The following HSPA12A variants were observed in gnomAD, a reference collection of about 807,000 sequenced individuals.
HSPA12A encodes the protein heat shock 70 kDa protein 12A.
HSPA12A carries 28 observed loss-of-function variants against 69.2 expected under a neutral mutation model. That is an observed-to-expected ratio of 0.40 (90% confidence interval 0.30 to 0.55). The LOEUF is 0.55. HSPA12A is among the 20% of genes least tolerant of loss of function. The pLI, the probability that HSPA12A is intolerant of heterozygous loss-of-function variation, is 0.38. For missense variants in HSPA12A, 686 were observed against 900.7 expected (o/e 0.76, Z 3.05); for synonymous variants, 345 against 370.5 (o/e 0.93, Z 0.79).
intron 2 of HSPA12A, among the ~76,000 whole-genome samples, chr10:116,773,874 CT>C (rs1844270274): frequency 6.6e-6 from 1 of 152,178 alleles, no homozygotes; most frequent in South Asian, 2.1e-4. Context: ...GGGTGGAGGA[CT>C]TGGAGCCAGG....
intron 2 of HSPA12A, chr10:116,829,040 G>A (rs1009962672): frequency 1.3e-5 from 2 of 152,120 alleles, no homozygotes; most frequent in Non-Finnish European, 2.9e-5. Flanking sequence ...TGATCAGATT[G>A]CATATGCCAG....
chr10:116,774,936 C>T (rs975084171), intron 2 of HSPA12A, among the ~76,000 whole-genome samples: 23 of 152,306 alleles, frequency 1.5e-4, no homozygotes, highest in African/African-American at 5.5e-4. Flanking sequence ...TCACTCCACT[C>T]CCTCCCCAAG....
rs537420703 is a variant in HSPA12A, at chr10:116,682,467, C to G, written c.836-590G>C. Reference sequence around the variant, plus strand: ...TGGGTAAATAGACTGGGGGGGGGGGCCATTTCCTGACCCAGCTGAAGCCAA... The same window carrying G: ...TGGGTAAATAGACTGGGGGGGGGGGGCATTTCCTGACCCAGCTGAAGCCAA... On this transcript the variant is annotated intron_variant, in intron 7 of 11. Transcript: ENST00000369209. Among the ~76,000 whole-genome samples, 151 of 147,302 alleles carry G rather than the reference C, an allele frequency of 1.0e-3. 2 individuals are homozygous for G. The South Asian group carries it at 0.021, about 20-fold the overall frequency.
rs1849091415 is a variant in HSPA12A at position 116,671,888 on chromosome 10, A to T, written c.*2893T>A. ...TCAAGTGTACTTATCCAGTGCTCTT[A>T]TTCTAGAATATTCCAGTGGGGGTAG... On this transcript the variant is annotated 3_prime_UTR_variant, in exon 12 of 12. Transcript: ENST00000369209. 6.6e-6 allele frequency: 1 copy of T among 152,600 alleles called. No individual in the cohort carries two copies. The allele number at this position is 152,600 out of a possible 1,614,324, so 9.5% of individuals were successfully genotyped here. A position where few individuals can be genotyped will look rare whatever the true frequency, so the allele number is the denominator to read the frequency against.
intron 2 of HSPA12A, among the ~76,000 whole-genome samples, chr10:116,806,967 T>C (rs1231488781): frequency 6.6e-6 from 1 of 151,982 alleles, no homozygotes; most frequent in Non-Finnish European, 1.5e-5. Context: ...GAGACACAGA[T>C]AGGAGAGACA....
rs114638933 is a variant in HSPA12A at position 116,730,937 on chromosome 10, A to G, written c.40+11493T>C. ...GTCCAACATGGTTCCCACCCTCCCAACGTTTCCTGGGGGAGAAGCCGAGGA... is the reference window on the plus strand; with the variant it reads ...GTCCAACATGGTTCCCACCCTCCCAGCGTTTCCTGGGGGAGAAGCCGAGGA... On this transcript the variant is annotated intron_variant, in intron 1 of 11. Transcript: ENST00000369209. Among the ~76,000 whole-genome samples, 276 of 152,268 alleles carry G rather than the reference A, an allele frequency of 1.8e-3. 5 individuals carry two copies. The highest frequency in any genetic ancestry group is 6.4e-3 in the African/African-American group (264 of 41,558).
intron 2 of HSPA12A, among the ~76,000 whole-genome samples, chr10:116,754,748 T>G (rs1157945064): frequency 6.6e-6 from 1 of 152,226 alleles, no homozygotes; most frequent in African/African-American, 2.4e-5. Context: ...AAACACTTAT[T>G]AAACACAGGT....
At chr10:116,816,864 T>C (rs765422874) in intron 2 of HSPA12A, among the ~76,000 whole-genome samples, 1 of 152,170 alleles carries the variant, frequency 6.6e-6, no homozygotes, top group Non-Finnish European at 1.5e-5. Flanking sequence ...CTTTGCTCAG[T>C]ATTGGATTGA....
intron 2 of HSPA12A, among the ~76,000 whole-genome samples, chr10:116,757,264 C>T (rs900264089): frequency 7.2e-5 from 11 of 152,172 alleles, no homozygotes; most frequent in African/African-American, 1.7e-4. Flanking sequence ...GTTAGTGTTA[C>T]GGATTTTGCC....
chr10:116,768,832 T>TGAC (rs1554890064), intron 2 of HSPA12A, among the ~76,000 whole-genome samples: 1 of 152,152 alleles, frequency 6.6e-6, no homozygotes, highest in African/African-American at 2.4e-5. Flanking sequence ...AGCAGCCTGC[T>TGAC]GACATCACCC....
At chr10:116,756,765 A>G (rs1243491012) in intron 2 of HSPA12A, among the ~76,000 whole-genome samples, 1 of 152,250 alleles carries the variant, frequency 6.6e-6, no homozygotes, top group African/African-American at 2.4e-5. Context: ...AGGGTCTGTT[A>G]TGTATTACAA....
intron 2 of HSPA12A, among the ~76,000 whole-genome samples, chr10:116,773,977 A>G (rs1665667): frequency 0.99 from 151,153 of 152,174 alleles, 75,092 homozygotes; most frequent in Middle Eastern, 1. Flanking sequence ...GGCATTCACT[A>G]TGACATGGGG....
rs60427815 is a variant in HSPA12A, at chr10:116,740,637, CGTGTGTGTGTGTGTGT to C, written c.40+1777_40+1792del. Among the ~76,000 whole-genome samples, 23 of 137,798 alleles carry C rather than the reference CGTGTGTGTGTGTGTGT, an allele frequency of 1.7e-4. No homozygotes were observed. The South Asian group carries it at 6.0e-3, about 36-fold the overall frequency. The allele number at this position is 137,798 out of a possible 152,430, so 90.4% of individuals were successfully genotyped here. On this transcript the variant is annotated intron_variant, in intron 1 of 11. Transcript: ENST00000369209. Reference sequence around the variant, plus strand: ...TCCTGGACAGGATTTCTCCCAGCACCGTGTGTGTGTGTGTGTGTGTGTGTGTGTGTGTGTGTGTCTG... The same window carrying C: ...TCCTGGACAGGATTTCTCCCAGCACCGTGTGTGTGTGTGTGTGTGTGTCTG...
At position 116,813,247 on chromosome 10, in the gene HSPA12A, A is replaced by ATTT. The variant is rs71013618; in HGVS notation, c.91+21685_91+21687dup. 7.4e-3 allele frequency among the ~76,000 whole-genome samples: 740 copies of ATTT among 99,988 alleles called. 36 individuals carry two copies. The highest frequency in any genetic ancestry group is 0.027 in the African/African-American group (716 of 26,736). The allele number at this position is 99,988 out of a possible 152,430, so 65.6% of individuals were successfully genotyped here. Reference sequence around the variant, plus strand: ...AAAGAAAGAGGCCATCCAGAGCTCTATTTTTTTTTTTTTTTTGAGATGGAG... The same window carrying ATTT: ...AAAGAAAGAGGCCATCCAGAGCTCTATTTTTTTTTTTTTTTTTTTGAGATGGAG... On this transcript the variant is annotated intron_variant, in intron 2 of 12. Transcript: ENST00000635765.
Position 116,692,417 on chromosome 10 carries a change from C to G in HSPA12A, c.597G>C (p.Trp199Cys), listed in dbSNP as rs1849763653. Residue 199 changes from tryptophan (W) to cysteine (C), a missense_variant, in exon 6 of 12, where the codon TGG becomes TGC. Trp to Cys is a radical substitution (Grantham distance 215, BLOSUM62 -2). Coordinates refer to ENST00000369209, the MANE Select transcript of HSPA12A (RefSeq NM_025015.3). ...TCCAGATGGCAGGCACCGTGATGAC[C>G]CATCTGACATCAGAGTTCTCGAACT... ...GSEFENSDVR[W>C]VITVPAIWKQ... 5 of 1,614,158 alleles carry G rather than the reference C, an allele frequency of 3.1e-6. No individual in the cohort carries two copies. The highest frequency in any genetic ancestry group is 4.2e-6 in the Non-Finnish European group (5 of 1,180,034).
chr10:116,710,828 G>A lies in HSPA12A; in HGVS notation c.41-3543C>T, dbSNP rs1361372619. On this transcript the variant is annotated intron_variant, in intron 1 of 11. Transcript: ENST00000369209. This position sits in a 1 kb window ranked among gnomAD's most constrained non-coding sequence, Gnocchi z 4.1. The stretch of plus-strand genomic sequence containing the variant: ...TCAGTACAGCACAGAAATATACACA[G>A]CCAGTAGAGACATGCTACTGTTTCT... Among the ~76,000 whole-genome samples the A allele has an allele frequency of 2.0e-5, 3 of 152,124 alleles. No individual in the cohort carries two copies.
intron 1 of HSPA12A, among the ~76,000 whole-genome samples, chr10:116,837,909 ATG>A (rs1045883043): frequency 1.3e-5 from 2 of 152,172 alleles, no homozygotes. Context: ...AGGAATTTAA[ATG>A]TGTTTCTATT....
At chr10:116,765,910 T>C (rs567594107) in intron 2 of HSPA12A, among the ~76,000 whole-genome samples, 1 of 152,328 alleles carries the variant, frequency 6.6e-6, no homozygotes, top group South Asian at 2.1e-4. Flanking sequence ...CCTTGGTTTT[T>C]CCTCTTTGCA....
intron 7 of HSPA12A, 132 bp downstream of exon 7, chr10:116,683,659 A>G: frequency 1.1e-6 from 1 of 916,560 alleles, no homozygotes; most frequent in Non-Finnish European, 1.5e-6. Flanking sequence ...AGGTGCTTAA[A>G]GCCCACCTCC....
Sources: allele counts gnomAD v4.1 joint callset (sites outside exome capture counted in the v4.1 genomes callset), GRCh38; gene constraint gnomAD v4.1.1; non-coding constraint Gnocchi (gnomAD v3.1); transcripts MANE v1.5; gene names NCBI Gene and HGNC (gene_info 2026-07-23, HGNC 2026-07-21).